Variants in ZNF683 observed in about 807,000 individuals in gnomAD.
The protein encoded by ZNF683 is zinc finger protein 683.
In ZNF683, 20 loss-of-function variants were observed where a neutral mutation model predicts 31.4. That is an observed-to-expected ratio of 0.64 (90% CI 0.45 to 0.93). The LOEUF (loss-of-function observed/expected upper bound fraction) is 0.93, where lower values mean the gene tolerates loss of function less well. ZNF683 is among the 40% of genes least tolerant of loss of function. ZNF683 has a pLI of 0.00. For missense variants in ZNF683, 621 were observed against 637.2 expected (o/e 0.97, Z 0.27); for synonymous variants, 264 against 267.6 (o/e 0.99, Z 0.13).
At chr1:26,362,153 TTTC>T (rs1298554048) in intron 5 of ZNF683, 131 bp from the exon 6 acceptor site, 4 of 1,608,332 alleles carry the variant, frequency 2.5e-6, no homozygotes, top group Non-Finnish European at 3.4e-6. Context: ...TTTCCAGTGA[TTTC>T]TTCCTGGAAC....
In ZNF683 at chr1:26,363,118, G is replaced by A; in HGVS notation, c.1051C>T (p.Gln351Ter). 1 of 1,612,650 alleles carries A rather than the reference G, an allele frequency of 6.2e-7. No individual in the cohort carries two copies. The change falls in exon 5 of 6, where the codon CAG (glutamine) becomes TAG (stop). Residue 351 changes from glutamine (Q) to a stop codon, truncating the protein, a stop_gained. Coordinates refer to ENST00000349618, the MANE Select transcript of ZNF683 (RefSeq NM_001114759.3). LOFTEE classifies it high-confidence loss of function. ...AAGCTCTTCTGGCACAAGGCACACT[G>A]GAATGGACGCTCTCCACTGTGCACA... ...LRVHSGERPF[Q>*]CALCQKSFTQ...
intron 4 of ZNF683, among the ~76,000 whole-genome samples, chr1:26,363,454 G>A (rs1264627906): frequency 1.3e-5 from 2 of 152,134 alleles, no homozygotes; most frequent in African/African-American, 4.8e-5. Flanking sequence ...TCTCAAGTCC[G>A]GCCCCAGACC....
chr1:26,373,045 C>T (rs1461231907), upstream of ZNF683, among the ~76,000 whole-genome samples: 1 of 152,184 alleles, frequency 6.6e-6, no homozygotes, highest in Non-Finnish European at 1.5e-5. Context: ...TACAAAAGCC[C>T]CAAGCAGCCA....
rs115851063 is a variant in ZNF683 at position 26,365,416 on chromosome 1, C to T, written c.320-190G>A. ...CTATTAGACACCCAGGTTGAGAAGCCAAGTGGGCAGATGGATAAACTGGGT... is the reference window on the plus strand; with the variant it reads ...CTATTAGACACCCAGGTTGAGAAGCTAAGTGGGCAGATGGATAAACTGGGT... On this transcript the variant is annotated intron_variant, in intron 3 of 5. Transcript: ENST00000349618. Among the ~76,000 whole-genome samples the T allele has an allele frequency of 6.5e-4, 99 of 152,204 alleles. No individual in the cohort carries two copies. Among genetic ancestry groups the T allele is most frequent in the African/African-American group, 2.1e-3 (87 of 41,516 alleles).
upstream of ZNF683, chr1:26,372,848 T>A: frequency 1.3e-5 from 15 of 1,173,468 alleles, no homozygotes; most frequent in Non-Finnish European, 1.6e-5. Flanking sequence ...ACAAGACAGA[T>A]GATCTGGGAG....
At chr1:26,365,900 G>C (rs1251266035) in intron 3 of ZNF683, among the ~76,000 whole-genome samples, 1 of 151,904 alleles carries the variant, frequency 6.6e-6, no homozygotes, top group Non-Finnish European at 1.5e-5. Context: ...GAAAATTAAG[G>C]CTGGGCACGG....
At chr1:26,363,624 G>A (rs563261829) in intron 4 of ZNF683, among the ~76,000 whole-genome samples, 143 of 151,862 alleles carry the variant, frequency 9.4e-4, no homozygotes, top group African/African-American at 3.4e-3. Context: ...GAAAGTTAAC[G>A]AGGAGTGGTG....
intron 1 of ZNF683, chr1:26,372,419 T>C: frequency 8.1e-7 from 1 of 1,239,914 alleles, no homozygotes; most frequent in Non-Finnish European, 1.1e-6. Flanking sequence ...TACCTCCCAT[T>C]ATAAAAGCCG....
intron 1 of ZNF683, among the ~76,000 whole-genome samples, chr1:26,369,671 A>AAAAAAAAAAAAAGAAAG (rs773578187): frequency 6.2e-4 from 79 of 128,072 alleles, no homozygotes; most frequent in African/African-American, 2.6e-3. Flanking sequence ...TTGTCTCCAA[A>AAAAAAAAAAAAAGAAAG]AAAAAAAAAT....
Position 26,367,730 on chromosome 1 carries a change from A to T in ZNF683, c.182T>A (p.Leu61Gln). Residue 61 changes from leucine (L) to glutamine (Q), a missense_variant, in exon 3 of 6, where the codon CTG (leucine) becomes CAG (glutamine). Physicochemically the swap from Leu to Gln is moderately radical, Grantham distance 113. Transcript: ENST00000349618. The stretch of plus-strand genomic sequence containing the variant: ...GCCCGGTGCCAGGGGCAAGGGACAC[A>T]GCCAGCTGGCACAGGATGGGCCATG... ...DAHGPSCASW[L>Q]CPLPLAPGRS... 2 of 1,610,242 alleles carry T rather than the reference A, an allele frequency of 1.2e-6. No individual in the cohort carries two copies. Among genetic ancestry groups the T allele is most frequent in the South Asian group, 2.2e-5 (2 of 90,486 alleles).
intron 3 of ZNF683, among the ~76,000 whole-genome samples, chr1:26,367,107 A>G (rs1176978761): frequency 6.6e-6 from 1 of 152,134 alleles, no homozygotes; most frequent in Non-Finnish European, 1.5e-5. Context: ...TTTACTAAAA[A>G]TACAAAAATT....
intron 2 of ZNF683, among the ~76,000 whole-genome samples, chr1:26,368,143 C>T (rs924230432): frequency 1.3e-5 from 2 of 152,182 alleles, no homozygotes; most frequent in African/African-American, 2.4e-5. Flanking sequence ...AAAGAAAATC[C>T]CCATCAAAGA....
chr1:26,371,649 A>T (rs1009472695), intron 1 of ZNF683, among the ~76,000 whole-genome samples: 2 of 144,414 alleles, frequency 1.4e-5, no homozygotes, highest in African/African-American at 5.2e-5. Flanking sequence ...AGGCATGACT[A>T]GGCCAGGTGT....
chr1:26,366,919 G>A (rs2074537511), intron 3 of ZNF683, among the ~76,000 whole-genome samples: 1 of 152,198 alleles, frequency 6.6e-6, no homozygotes, highest in Admixed American at 6.5e-5. Context: ...GCCTCCCAAA[G>A]TGCTGGGATT....
rs745980491 is a variant in ZNF683, at chr1:26,364,778, G to A, written c.768C>T (p.Tyr256=). 6.2e-6 allele frequency: 10 copies of A among 1,608,196 alleles called. No individual in the cohort carries two copies. The highest frequency in any genetic ancestry group is 8.5e-6 in the Non-Finnish European group (10 of 1,176,876). The stretch of plus-strand genomic sequence containing the variant: ...GGCCAGAGGCTTGGAAGGCCCCTGG[G>A]TAGGGAAGCAGGGTCTCCCACCGAG... ...PSARWETLLP[Y]PGAFQASGQA... Residue 256 remains tyrosine (Y), a synonymous_variant, in exon 4 of 6, where the codon TAC becomes TAT. Coordinates refer to ENST00000349618, the MANE Select transcript of ZNF683 (RefSeq NM_001114759.3).
At position 26,362,201 on chromosome 1, in the gene ZNF683, T is replaced by C. The variant is rs759849644; in HGVS notation, c.1144-179A>G. 1.9e-6 allele frequency: 3 copies of C among 1,564,478 alleles called. No homozygotes were observed. In the East Asian group the frequency reaches 7.1e-5, roughly 37 times the overall value. ...CTAGCACATTAGAACCAGGCCAACT[T>C]GGGTTAGTGTCCTTTACTCCATGTG... On this transcript the variant is annotated intron_variant, in intron 5 of 5. Transcript: ENST00000349618.
At chr1:26,363,758 GAT>G in intron 4 of ZNF683, among the ~76,000 whole-genome samples, 1 of 107,290 alleles carries the variant, frequency 9.3e-6, no homozygotes, top group Non-Finnish European at 1.9e-5. Context: ...AAAAAAAAAA[GAT>G]AACTCTGGGG....
At chr1:26,363,904 C>G (rs1260743129) in intron 4 of ZNF683, among the ~76,000 whole-genome samples, 1 of 152,228 alleles carries the variant, frequency 6.6e-6, no homozygotes, top group Non-Finnish European at 1.5e-5. Context: ...AGCAGGGCTT[C>G]TCCCCATAAC....
rs982572727 is a variant in ZNF683, at chr1:26,366,877, C to T, written c.319+716G>A. Reference sequence around the variant, plus strand: ...TTCACCGTGTTAGCCAGGATGGTCTCGATCTCCTGACCTCGTGATGTGCCC... The same window carrying T: ...TTCACCGTGTTAGCCAGGATGGTCTTGATCTCCTGACCTCGTGATGTGCCC... On this transcript the variant is annotated intron_variant, in intron 3 of 5. Transcript: ENST00000349618. Among the ~76,000 whole-genome samples the T allele has an allele frequency of 2.0e-5, 3 of 152,106 alleles. No individual in the cohort carries two copies. The East Asian group carries it at 5.8e-4, about 30-fold the overall frequency.
Sources: allele counts gnomAD v4.1 joint callset (sites outside exome capture counted in the v4.1 genomes callset), GRCh38; gene constraint gnomAD v4.1.1; transcripts MANE v1.5; gene names NCBI Gene and HGNC (gene_info 2026-07-23, HGNC 2026-07-21).